The following TC2N variants were observed in gnomAD, a reference collection of about 807,000 sequenced individuals.
The protein encoded by TC2N is tandem C2 domains nuclear protein.
A neutral mutation model predicts 61.9 loss-of-function variants in TC2N; 51 were observed. That is an observed-to-expected ratio of 0.82 (90% CI 0.66 to 1.04). TC2N has a LOEUF of 1.04. Among genes scored for constraint, TC2N ranks in the 50% least tolerant of loss-of-function variants. TC2N has a pLI of 0.00. For missense variants in TC2N, 556 were observed against 566.7 expected, an observed-to-expected ratio of 0.98 and a Z score of 0.19; for synonymous variants, 204 against 192.6, an observed-to-expected ratio of 1.06 and a Z score of -0.49.
intron 1 of TC2N, among the ~76,000 whole-genome samples, chr14:91,842,941 G>A (rs1033751874): frequency 1.3e-5 from 2 of 152,148 alleles, no homozygotes; most frequent in Non-Finnish European, 2.9e-5. Flanking sequence ...CTGAAGGAGT[G>A]GAGTATATTT....
At chr14:91,803,971 A>C (rs560987926) in intron 3 of TC2N, among the ~76,000 whole-genome samples, 1 of 152,292 alleles carries the variant, frequency 6.6e-6, no homozygotes, top group African/African-American at 2.4e-5. Context: ...TATGGCCATA[A>C]AGGGCTCATA....
At chr14:91,803,873 A>C (rs1044516015) in intron 3 of TC2N, among the ~76,000 whole-genome samples, 1 of 152,232 alleles carries the variant, frequency 6.6e-6, no homozygotes, top group Non-Finnish European at 1.5e-5. Flanking sequence ...AGTATAACTG[A>C]CAAAGGGCTC....
chr14:91,823,260 C>G (rs1223274725), intron 1 of TC2N, among the ~76,000 whole-genome samples: 1 of 151,964 alleles, frequency 6.6e-6, no homozygotes, highest in African/African-American at 2.4e-5. Flanking sequence ...GTGGCTCATG[C>G]CTGTAGTCCC....
chr14:91,860,861 ACT>A (rs1253824659), intron 1 of TC2N, among the ~76,000 whole-genome samples: 4 of 152,176 alleles, frequency 2.6e-5, no homozygotes, highest in Admixed American at 2.0e-4. Flanking sequence ...TGGATGAATA[ACT>A]CTGTAATCTG....
chr14:91,823,273 C>A (rs1040098075), intron 1 of TC2N, among the ~76,000 whole-genome samples: 2 of 151,916 alleles, frequency 1.3e-5, no homozygotes, highest in Non-Finnish European at 2.9e-5. Context: ...GTAGTCCCAG[C>A]ACTTTGGGAG....
rs1595230548 is a variant in TC2N, at chr14:91,798,365, A to G, written c.672T>C (p.Phe224=). ...TITLSGDERD[F]GRLNVKLFYN... ...AAAACAATTTCACATTCAGTCTCCC[A>G]AAGTCCCTTTCATCTCCTGATAGAG... is the stretch of plus-strand genomic sequence containing the variant. Residue 224 remains phenylalanine (F), a synonymous_variant, in exon 7 of 12, where the codon TTT becomes TTC. Transcript: ENST00000435962. 1 of 1,593,526 alleles carries G rather than the reference A, an allele frequency of 6.3e-7. No individual in the cohort carries two copies. Among genetic ancestry groups the G allele is most frequent in the Admixed American group, 1.8e-5 (1 of 56,570 alleles).
intron 10 of TC2N, among the ~76,000 whole-genome samples, chr14:91,786,299 T>G (rs1277167091): frequency 2.0e-5 from 3 of 151,134 alleles, no homozygotes; most frequent in African/African-American, 4.9e-5. Flanking sequence ...CTTTTAGGAT[T>G]CTCCATCTAT....
chr14:91,855,284 C>T (rs929674405), intron 1 of TC2N, among the ~76,000 whole-genome samples: 7 of 152,140 alleles, frequency 4.6e-5, no homozygotes, highest in Non-Finnish European at 1.0e-4. Flanking sequence ...TACCACAAAC[C>T]GAGTGGCTTA....
chr14:91,842,671 A>G (rs1888184972), intron 1 of TC2N, among the ~76,000 whole-genome samples: 1 of 152,158 alleles, frequency 6.6e-6, no homozygotes, highest in Non-Finnish European at 1.5e-5. Flanking sequence ...TGATAACCAA[A>G]CGGTTGCCTG....
intron 5 of TC2N, among the ~76,000 whole-genome samples, chr14:91,799,573 A>T (rs1595231938): frequency 6.6e-6 from 1 of 152,112 alleles, no homozygotes; most frequent in East Asian, 1.9e-4. Context: ...AACAATTCTG[A>T]TGTGTGTTAA....
Position 91,785,218 on chromosome 14 carries a change from AAAC to A in TC2N, c.1303_1305del (p.Val435del). On this transcript the variant is annotated inframe_deletion, in exon 11 of 12. Transcript: ENST00000435962. ...CTTCGACTGTAAAGCTTAATGAGAA[AAAC>A]AATTTCTTTTTCACTCTGTATAAGT... The A allele has an allele frequency of 6.2e-7, 1 of 1,613,834 alleles. No individual in the cohort carries two copies. The highest frequency in any genetic ancestry group is 1.7e-4 in the Middle Eastern group (1 of 6,058).
chr14:91,849,501 C>A (rs1343894577), intron 1 of TC2N, among the ~76,000 whole-genome samples: 2 of 152,094 alleles, frequency 1.3e-5, no homozygotes, highest in African/African-American at 4.8e-5. Context: ...TTGAATTCAC[C>A]TCTACTTTTC....
intron 1 of TC2N, among the ~76,000 whole-genome samples, chr14:91,818,035 G>A (rs979702952): frequency 4.7e-4 from 72 of 152,236 alleles, no homozygotes; most frequent in African/African-American, 1.6e-3. Flanking sequence ...TGAGAAATAG[G>A]AACTAAATGA....
At position 91,812,499 on chromosome 14, in the gene TC2N, AT is replaced by A. The variant is rs776116884; in HGVS notation, c.113del (p.Asn38MetfsTer9). ...TCAATGGAGGTACAGAGATAGTAGC[AT>A]TTTGACTATTTGGGACTGCTGCTTT... ...DFKAAVPNSQ[N>X]ATISVPPLTS... is the part of the protein sequence containing the mutation. On this transcript the variant is annotated frameshift_variant, in exon 3 of 12. Transcript: ENST00000435962. LOFTEE classifies it high-confidence loss of function. 7 of 1,606,302 alleles carry A rather than the reference AT, an allele frequency of 4.4e-6. No homozygotes were observed. Among genetic ancestry groups the A allele is most frequent in the Admixed American group, 1.7e-5 (1 of 59,862 alleles).
chr14:91,791,157 G>C (rs2139828470), intron 9 of TC2N, among the ~76,000 whole-genome samples: 1 of 88,616 alleles, frequency 1.1e-5, no homozygotes, highest in East Asian at 3.6e-4. Context: ...GGAAGGGAGG[G>C]GAAGGGAAGG....
At chr14:91,789,339 G>A (rs1885525311) in intron 9 of TC2N, among the ~76,000 whole-genome samples, 5 of 151,560 alleles carry the variant, frequency 3.3e-5, no homozygotes, top group Admixed American at 3.3e-4. Flanking sequence ...GCTCACGCAT[G>A]TAATCCCAGC....
rs1162728468 is a variant in TC2N at position 91,802,413 on chromosome 14, T to G, written c.310A>C (p.Arg104=). 1 of 1,609,650 alleles carries G rather than the reference T, an allele frequency of 6.2e-7. No homozygotes were observed. The highest frequency in any genetic ancestry group is 1.7e-5 in the Admixed American group (1 of 59,078). The change falls in exon 4 of 12, where the codon AGA becomes CGA. Residue 104 remains arginine (R), a synonymous_variant. Transcript: ENST00000435962. The stretch of plus-strand genomic sequence containing the variant: ...ACCTTTCGATCTCCAAAAGATGCTC[T>G]GGCAGATCCTGAAAGCAAATGTTTC... ...SHLEELEGSA[R]ASFGDRKVEL... is the part of the protein sequence containing the mutation.
intron 1 of TC2N, among the ~76,000 whole-genome samples, chr14:91,842,725 T>G (rs1196621575): frequency 6.6e-6 from 1 of 152,156 alleles, no homozygotes; most frequent in Non-Finnish European, 1.5e-5. Flanking sequence ...GGAGGAATAT[T>G]GAGCGTTAGC....
At chr14:91,844,120 T>G (rs965634508) in intron 1 of TC2N, among the ~76,000 whole-genome samples, 5 of 151,996 alleles carry the variant, frequency 3.3e-5, no homozygotes, top group African/African-American at 1.2e-4. Context: ...TTTTAAAGAG[T>G]TATCCCATTG....
Sources: gnomAD v4.1 joint callset for allele counts (sites outside exome capture counted in the v4.1 genomes callset) on GRCh38, gnomAD v4.1.1 for gene constraint, MANE v1.5 for transcripts, NCBI Gene and HGNC (gene_info 2026-07-23, HGNC 2026-07-21) for gene names.